The following GPC5 variants were observed in gnomAD, a reference collection of about 807,000 sequenced individuals.
The protein encoded by GPC5 is glypican 5, also known as glypican-5.
GPC5 carries 47 observed loss-of-function variants against 53.9 expected under a neutral mutation model. The observed-to-expected ratio is 0.87, with a 90% CI of 0.69 to 1.11. The LOEUF (loss-of-function observed/expected upper bound fraction) is 1.11, where lower values mean the gene tolerates loss of function less well. Among genes scored for constraint, GPC5 ranks in the 50% most tolerant of loss-of-function variants. GPC5 has a pLI of 0.00. For missense variants in GPC5, 748 were observed against 713.1 expected, an observed-to-expected ratio of 1.05 and a Z score of -0.56; for synonymous variants, 286 against 263.3, an observed-to-expected ratio of 1.09 and a Z score of -0.84.
At chr13:91,570,820 A>G (rs921673371) in intron 2 of GPC5, among the ~76,000 whole-genome samples, 10 of 152,322 alleles carry the variant, frequency 6.6e-5, no homozygotes, top group South Asian at 2.1e-4. Flanking sequence ...TGATTGGCCC[A>G]TTGATGGGAT....
intron 2 of GPC5, among the ~76,000 whole-genome samples, chr13:91,592,372 C>T (rs990201681): frequency 6.6e-6 from 1 of 152,124 alleles, no homozygotes; most frequent in South Asian, 2.1e-4. Flanking sequence ...ACCAGGTCTG[C>T]TCCCGAGCCT....
At chr13:92,024,870 TG>T (rs574136368) in intron 6 of GPC5, among the ~76,000 whole-genome samples, 26 of 152,326 alleles carry the variant, frequency 1.7e-4, no homozygotes, top group African/African-American at 5.5e-4. Context: ...AAATTATAAT[TG>T]TGAACATTAG....
At chr13:92,643,192 G>A (rs1232271648) in intron 7 of GPC5, among the ~76,000 whole-genome samples, 23 of 151,982 alleles carry the variant, frequency 1.5e-4, no homozygotes, top group African/African-American at 5.1e-4. Flanking sequence ...CACTCTGATG[G>A]TAGTTTCTTT....
At chr13:92,763,570 C>T (rs1320254410) in intron 7 of GPC5, among the ~76,000 whole-genome samples, 1 of 152,146 alleles carries the variant, frequency 6.6e-6, no homozygotes, top group Admixed American at 6.5e-5. Flanking sequence ...TGCAGGAGCT[C>T]TGGGCTCCAG....
At chr13:91,898,389 A>G (rs998870100) in intron 5 of GPC5, among the ~76,000 whole-genome samples, 11 of 152,262 alleles carry the variant, frequency 7.2e-5, no homozygotes, top group African/African-American at 2.6e-4. Context: ...CAGTAACAAG[A>G]GGCTTAGGAC....
chr13:92,459,329 T>G (rs915185764), intron 7 of GPC5, among the ~76,000 whole-genome samples: 1 of 152,150 alleles, frequency 6.6e-6, no homozygotes, highest in African/African-American at 2.4e-5. Context: ...CTAGGGCTCG[T>G]GAGATGTCCT....
At chr13:91,740,486 C>T (rs2036908246) in intron 4 of GPC5, among the ~76,000 whole-genome samples, 1 of 152,106 alleles carries the variant, frequency 6.6e-6, no homozygotes, top group Non-Finnish European at 1.5e-5. Context: ...CTTCTTTTAG[C>T]TTGGAGAGAG....
intron 6 of GPC5, among the ~76,000 whole-genome samples, chr13:91,958,363 G>T (rs2040093837): frequency 6.6e-6 from 1 of 151,942 alleles, no homozygotes; most frequent in South Asian, 2.1e-4. Flanking sequence ...TGCGCCCAAG[G>T]TCAGAGCACC....
intron 7 of GPC5, among the ~76,000 whole-genome samples, chr13:92,685,561 T>TTTTTTTTTTTTTAA (rs1555302925): frequency 0.06 from 5,973 of 100,378 alleles, 378 homozygotes; most frequent in East Asian, 0.37. Context: ...TTTTTTTTAA[T>TTTTTTTTTTTTTAA]TTTTTTTTTT....
At chr13:92,758,994 G>GTTT (rs68182839) in intron 7 of GPC5, among the ~76,000 whole-genome samples, 9,487 of 70,206 alleles carry the variant, frequency 0.14, 1,008 homozygotes, top group East Asian at 0.35. Context: ...TCCCATTGCG[G>GTTT]TTTTTTTTTT....
chr13:92,081,796 A>T (rs2041297879), intron 6 of GPC5, among the ~76,000 whole-genome samples: 1 of 152,224 alleles, frequency 6.6e-6, no homozygotes, highest in South Asian at 2.1e-4. Context: ...TGCTGATGAA[A>T]TTAACCCATT....
rs866918261 is a variant in GPC5 at position 92,216,918 on chromosome 13, C to A, written c.1561+71929C>A. Among the ~76,000 whole-genome samples, 2 of 150,750 alleles carry A rather than the reference C, an allele frequency of 1.3e-5. 1 individual carries two copies. Among genetic ancestry groups the A allele is most frequent in the Non-Finnish European group, 3.0e-5 (2 of 67,772 alleles). On this transcript the variant is annotated intron_variant, in intron 7 of 7. Coordinates refer to ENST00000377067, the MANE Select transcript of GPC5 (RefSeq NM_004466.6). Reference sequence around the variant, plus strand: ...TACTTGAACCCAGGAGGTGGAGGTTCCAGTGAGCTGAGATCGCACTACTGG... The same window carrying A: ...TACTTGAACCCAGGAGGTGGAGGTTACAGTGAGCTGAGATCGCACTACTGG...
chr13:92,730,265 T>C (rs935551785), intron 7 of GPC5, among the ~76,000 whole-genome samples: 2 of 151,444 alleles, frequency 1.3e-5, no homozygotes, highest in African/African-American at 2.4e-5. Context: ...TGTTTCTTTA[T>C]CCAAAGTTTA....
intron 2 of GPC5, among the ~76,000 whole-genome samples, chr13:91,641,760 G>C (rs907039430): frequency 6.6e-6 from 1 of 152,132 alleles, no homozygotes; most frequent in Admixed American, 6.5e-5. Flanking sequence ...GACATAAGAG[G>C]GTGAGATCTT....
At chr13:92,672,055 A>G (rs1484916853) in intron 7 of GPC5, among the ~76,000 whole-genome samples, 4 of 152,170 alleles carry the variant, frequency 2.6e-5, no homozygotes, top group African/African-American at 9.6e-5. Context: ...CTGACAATCC[A>G]TGTTTAGCAG....
chr13:91,925,653 GA>G (rs2039759824), intron 6 of GPC5, among the ~76,000 whole-genome samples: 1 of 152,110 alleles, frequency 6.6e-6, no homozygotes, highest in African/African-American at 2.4e-5. Context: ...AAATCTTATT[GA>G]GGTCTTATTA....
At chr13:92,349,589 T>C (rs946437910) in intron 7 of GPC5, among the ~76,000 whole-genome samples, 4 of 151,666 alleles carry the variant, frequency 2.6e-5, no homozygotes, top group African/African-American at 7.3e-5. Context: ...TACCACATAA[T>C]AGAATCATAA....
chr13:92,759,004 T>TTTG (rs1875038561), intron 7 of GPC5, among the ~76,000 whole-genome samples: 1 of 146,082 alleles, frequency 6.8e-6, no homozygotes, highest in African/African-American at 2.5e-5. Context: ...GTTTTTTTTT[T>TTTG]TTTTTTTTTT....
chr13:92,347,922 T>TTATATATATA (rs2043439531), intron 7 of GPC5, among the ~76,000 whole-genome samples: 2 of 12,346 alleles, frequency 1.6e-4, no homozygotes, highest in Middle Eastern at 0.028. Flanking sequence ...AATATATATA[T>TTATATATATA]ATTATATATA....
Sources: gnomAD v4.1 joint callset for allele counts (sites outside exome capture counted in the v4.1 genomes callset) on GRCh38, gnomAD v4.1.1 for gene constraint, MANE v1.5 for transcripts, NCBI Gene and HGNC (gene_info 2026-07-23, HGNC 2026-07-21) for gene names.